TMC5: variants seen among roughly 807,000 people sequenced by gnomAD.
TMC5 encodes transmembrane channel like 5, also known as transmembrane channel-like protein 5.
In TMC5, 86 loss-of-function variants were observed where a neutral mutation model predicts 110.5. That is an observed-to-expected ratio of 0.78 (90% CI 0.65 to 0.93). The LOEUF (loss-of-function observed/expected upper bound fraction) is 0.93. Among genes scored for constraint, TMC5 ranks in the 40% least tolerant of loss-of-function variants. The pLI, the probability that TMC5 is intolerant of heterozygous loss-of-function variation, is 0.00. For missense variants in TMC5, 1,144 were observed against 1,222.8 expected, an observed-to-expected ratio of 0.94 and a Z score of 0.96; for synonymous variants, 455 against 439.5, an observed-to-expected ratio of 1.04 and a Z score of -0.44.
intron 12 of TMC5, chr16:19,474,885 G>T: frequency 6.6e-6 from 1 of 152,344 alleles, no homozygotes; most frequent in Non-Finnish European, 1.5e-5. Context: ...GTGAGTCCTG[G>T]TACCCACTGC....
intron 9 of TMC5, among the ~76,000 whole-genome samples, chr16:19,467,642 C>T (rs943671373): frequency 5.3e-5 from 8 of 151,968 alleles, no homozygotes; most frequent in East Asian, 1.9e-4. Flanking sequence ...CCACCACGTC[C>T]GACTAATTTT....
intron 1 of TMC5, among the ~76,000 whole-genome samples, chr16:19,424,597 CGA>C (rs1967052844): frequency 6.6e-6 from 1 of 152,044 alleles, no homozygotes; most frequent in Non-Finnish European, 1.5e-5. Context: ...TGCAGTGAGC[CGA>C]GATGGCGCCA....
At chr16:19,435,178 T>C (rs1967314024) in intron 2 of TMC5, among the ~76,000 whole-genome samples, 1 of 151,996 alleles carries the variant, frequency 6.6e-6, no homozygotes, top group Non-Finnish European at 1.5e-5. Context: ...AGCTTCTGAT[T>C]TCTCATTTTC....
intron 8 of TMC5, among the ~76,000 whole-genome samples, chr16:19,465,405 A>G (rs1381627523): frequency 6.6e-6 from 1 of 152,062 alleles, no homozygotes; most frequent in Non-Finnish European, 1.5e-5. Context: ...GTGGTGGCAG[A>G]AGCCTGTAAT....
chr16:19,427,810 G>GC (rs1967116162), intron 1 of TMC5, among the ~76,000 whole-genome samples: 2 of 151,428 alleles, frequency 1.3e-5, no homozygotes, highest in African/African-American at 4.8e-5. Context: ...AGGCAAAGTC[G>GC]CCCCCACTTG....
chr16:19,464,903 A>G, intron 8 of TMC5, among the ~76,000 whole-genome samples: 1 of 151,660 alleles, frequency 6.6e-6, no homozygotes, highest in Middle Eastern at 3.2e-3. Flanking sequence ...AAAACCAAAT[A>G]GATGACAGGC....
chr16:19,477,463 T>C lies in TMC5; in HGVS notation c.2114T>C (p.Ile705Thr). The C allele has an allele frequency of 6.2e-7, 1 of 1,612,926 alleles. No homozygotes were observed. Among genetic ancestry groups the C allele is most frequent in the Non-Finnish European group, 8.5e-7 (1 of 1,179,274 alleles). The change falls in exon 13 of 22, where the codon ATC becomes ACC. Residue 705 changes from isoleucine to threonine, a missense_variant. By Grantham distance (89) the Ile-to-Thr change is moderately conservative (BLOSUM62 -1). Transcript: ENST00000542583. ...AGAAACATCTTTTTGAAAATATCAATCATTGGCATTCTTTGTTACTATTGG... is the reference window on the plus strand; with the variant it reads ...AGAAACATCTTTTTGAAAATATCAACCATTGGCATTCTTTGTTACTATTGG... ...LIRNIFLKIS[I>T]IGILCYYWLN...
In TMC5 at chr16:19,497,002, TC is replaced by T. The variant is rs371150813; in HGVS notation, c.2932-118del. 6.4e-4 allele frequency: 594 copies of T among 926,652 alleles called. 7 individuals carry two copies. In the East Asian group the frequency reaches 0.011, roughly 18 times the overall value. 57.4% of individuals were successfully genotyped at this position (926,652 alleles called of 1,614,324 possible). ...CTATGGCGGAGACTTGGCCTTAATC[TC>T]TCATCCCTTAACTTCTATAAAATGG... On this transcript the variant is annotated intron_variant, in intron 20 of 21. Transcript: ENST00000542583.
chr16:19,472,002 C>T, intron 10 of TMC5, 86 bp from the exon 11 acceptor site: 2 of 1,379,428 alleles, frequency 1.4e-6, no homozygotes, highest in Non-Finnish European at 2.0e-6. Flanking sequence ...CTCAAGTGAT[C>T]CACCCGCCTT....
chr16:19,490,768 CT>C (rs142106651), intron 18 of TMC5, among the ~76,000 whole-genome samples, 200 bp downstream of exon 18: 9,544 of 49,468 alleles, frequency 0.19, 779 homozygotes, highest in South Asian at 0.49. Context: ...CCTTCCCTTC[CT>C]TTTTTTCTTT....
At chr16:19,430,289 A>C (rs1967169701) in intron 1 of TMC5, 124 bp from the exon 2 acceptor site, 1 of 152,238 alleles carries the variant, frequency 6.6e-6, no homozygotes, top group Admixed American at 6.5e-5. Flanking sequence ...TCAAGTTTTT[A>C]AGAGAAGAGA....
intron 6 of TMC5, chr16:19,462,409 G>A (rs1364665460): frequency 3.1e-6 from 2 of 654,264 alleles, no homozygotes. Context: ...TTGAGAATGT[G>A]TATTAGTCTG....
At chr16:19,442,569 T>C (rs1162662078) in intron 3 of TMC5, among the ~76,000 whole-genome samples, 1 of 152,228 alleles carries the variant, frequency 6.6e-6, no homozygotes, top group Non-Finnish European at 1.5e-5. Flanking sequence ...CCTCAAATGA[T>C]CTGCTTGCCT....
At chr16:19,451,522 C>T (rs1488836011) in intron 5 of TMC5, among the ~76,000 whole-genome samples, 1 of 152,088 alleles carries the variant, frequency 6.6e-6, no homozygotes, top group African/African-American at 2.4e-5. Context: ...GGTTTGGAGA[C>T]TGTATAGAAA....
chr16:19,468,962 A>G (rs1968255416), intron 9 of TMC5, among the ~76,000 whole-genome samples: 1 of 152,206 alleles, frequency 6.6e-6, no homozygotes, highest in Non-Finnish European at 1.5e-5. Flanking sequence ...ACTGCACTCT[A>G]GCCTGGGCCA....
Position 19,493,724 on chromosome 16 carries a change from G to C in TMC5, c.2827-538G>C, listed in dbSNP as rs575087766. On this transcript the variant is annotated intron_variant, in intron 19 of 21. Coordinates refer to ENST00000542583, the MANE Select transcript of TMC5 (RefSeq NM_001261841.2). ...GATCCACCTGCCTTGGCCTCCCAAA[G>C]TGCTGGGATTACAGGCGTGAGCCAC... Among the ~76,000 whole-genome samples the C allele has an allele frequency of 2.2e-4, 33 of 152,280 alleles. No individual in the cohort carries two copies. The East Asian group carries it at 6.2e-3, about 28-fold the overall frequency.
At chr16:19,446,206 C>T (rs1597176768) in intron 4 of TMC5, among the ~76,000 whole-genome samples, 2 of 152,140 alleles carry the variant, frequency 1.3e-5, no homozygotes, top group Admixed American at 1.3e-4. Flanking sequence ...CTATTCCAAA[C>T]CTTTATTCCA....
chr16:19,487,132 C>G (rs1968763139), intron 16 of TMC5, 61 bp from the exon 17 acceptor site: 3 of 1,604,322 alleles, frequency 1.9e-6, no homozygotes, highest in Non-Finnish European at 2.6e-6. Flanking sequence ...CCAGGCCTGG[C>G]TGGGGTCCCT....
At chr16:19,452,766 T>A (rs1404924974) in intron 5 of TMC5, among the ~76,000 whole-genome samples, 3 of 152,092 alleles carry the variant, frequency 2.0e-5, no homozygotes, top group Admixed American at 2.0e-4. Flanking sequence ...GCAGCATTCC[T>A]TCCTCCAGGG....
Sources: gnomAD v4.1 joint callset for allele counts (sites outside exome capture counted in the v4.1 genomes callset) on GRCh38, gnomAD v4.1.1 for gene constraint, MANE v1.5 for transcripts, NCBI Gene and HGNC (gene_info 2026-07-23, HGNC 2026-07-21) for gene names.